GAS2: variants seen among roughly 807,000 people sequenced by gnomAD.
GAS2 encodes the protein growth arrest-specific protein 2.
GAS2 carries 20 observed loss-of-function variants against 37.5 expected under a neutral mutation model. That is an observed-to-expected ratio of 0.53 (90% CI 0.37 to 0.77). The LOEUF is 0.77. GAS2 is among the 30% of genes least tolerant of loss of function. GAS2 has a pLI of 0.00. For missense variants in GAS2, 336 were observed against 373.4 expected (o/e 0.90, Z 0.82); for synonymous variants, 144 against 132.2 (o/e 1.09, Z -0.61).
At chr11:22,771,255 T>G (rs1854967733) in intron 7 of GAS2, among the ~76,000 whole-genome samples, 1 of 152,188 alleles carries the variant, frequency 6.6e-6, no homozygotes. Context: ...TCCAGGAATG[T>G]TGAGCTTATT....
rs555109042 is a variant in GAS2, at chr11:22,687,880, A to G, written c.267+2091A>G. Among the ~76,000 whole-genome samples, 58 of 152,328 alleles carry G rather than the reference A, an allele frequency of 3.8e-4. No individual in the cohort carries two copies. In the South Asian group the frequency reaches 0.012, roughly 31 times the overall value. The stretch of plus-strand genomic sequence containing the variant: ...ACATTACGAAGTTCCTGAAACTTGT[A>G]TTGCTTATTGTTGAGGATGGAGAGC... On this transcript the variant is annotated intron_variant, in intron 3 of 7. Coordinates refer to ENST00000454584, the MANE Select transcript of GAS2 (RefSeq NM_001143830.3).
rs1590609328 is a variant in GAS2, at chr11:22,675,045, A to G, written c.145+31A>G. 5 of 1,605,912 alleles carry G rather than the reference A, an allele frequency of 3.1e-6. No individual in the cohort carries two copies. In the East Asian group the frequency reaches 1.1e-4, roughly 36 times the overall value. ...GTTATAAGATCTCATTTTGTGAGCA[A>G]AGACAACAGTTTTTGTTTTATTTTT... On this transcript the variant is annotated intron_variant, in intron 2 of 7. Transcript: ENST00000454584.
At chr11:22,639,818 C>T (rs1858887477) in intron 1 of GAS2, among the ~76,000 whole-genome samples, 1 of 152,128 alleles carries the variant, frequency 6.6e-6, no homozygotes. Flanking sequence ...GGGTCCTGAG[C>T]ATTCTACTTA....
chr11:22,646,319 T>C (rs10833794), intron 1 of GAS2, among the ~76,000 whole-genome samples: 21,698 of 152,158 alleles, frequency 0.14, 2,047 homozygotes, highest in East Asian at 0.22. Context: ...AATTTAATTT[T>C]AGCAAAATGA....
At position 22,751,222 on chromosome 11, in the gene GAS2, G is replaced by C. The variant is rs183219592; in HGVS notation, c.615+1961G>C. 2.0e-5 allele frequency among the ~76,000 whole-genome samples: 3 copies of C among 152,022 alleles called. No homozygotes were observed. The East Asian group carries it at 5.8e-4, about 29-fold the overall frequency. The stretch of plus-strand genomic sequence containing the variant: ...TCTGCTGCATTAGTCCCTGAATTTT[G>C]ATGTAGCCATTGTTGCTTTCTCACT... On this transcript the variant is annotated intron_variant, in intron 6 of 7. Transcript: ENST00000454584.
intron 7 of GAS2, among the ~76,000 whole-genome samples, chr11:22,766,991 C>G (rs1392658509): frequency 3.3e-5 from 5 of 152,134 alleles, no homozygotes; most frequent in Non-Finnish European, 7.4e-5. Flanking sequence ...GTTGGCATAG[C>G]AACTAATGCT....
intron 5 of GAS2, among the ~76,000 whole-genome samples, chr11:22,738,733 T>C (rs1468004736): frequency 2.0e-5 from 3 of 152,318 alleles, no homozygotes; most frequent in East Asian, 1.9e-4. Context: ...TGCCAATTAA[T>C]AGACCTTTCT....
intron 3 of GAS2, among the ~76,000 whole-genome samples, chr11:22,699,225 T>G (rs373823186): frequency 8.5e-5 from 13 of 152,274 alleles, no homozygotes; most frequent in African/African-American, 2.2e-4. Flanking sequence ...TTTATTGAGA[T>G]AAATGTACAG....
At chr11:22,635,713 C>A (rs933274538) in intron 1 of GAS2, among the ~76,000 whole-genome samples, 1 of 152,214 alleles carries the variant, frequency 6.6e-6, no homozygotes, top group Non-Finnish European at 1.5e-5. Context: ...CTTCTTTCAA[C>A]CTGTGACTGC....
At chr11:22,742,816 T>A (rs772314841) in intron 5 of GAS2, among the ~76,000 whole-genome samples, 11 of 152,150 alleles carry the variant, frequency 7.2e-5, no homozygotes, top group Non-Finnish European at 1.2e-4. Context: ...TAAAAAAATT[T>A]AAAAATTATG....
chr11:22,768,474 C>A (rs1854809937), intron 7 of GAS2, among the ~76,000 whole-genome samples: 1 of 152,222 alleles, frequency 6.6e-6, no homozygotes, highest in South Asian at 2.1e-4. Context: ...ACTACACTCA[C>A]AGCTTGCCCT....
At chr11:22,637,228 ATATAATATTAATTATATTAATAG>A (rs1858839392) in intron 1 of GAS2, among the ~76,000 whole-genome samples, 1 of 85,164 alleles carries the variant, frequency 1.2e-5, no homozygotes, top group Non-Finnish European at 2.2e-5. Context: ...TAGTATACTA[ATATAATATTAATTATATTAATAG>A]TATACTAATA....
intron 1 of GAS2, among the ~76,000 whole-genome samples, chr11:22,648,888 C>A (rs1297088649): frequency 6.6e-6 from 1 of 151,976 alleles, no homozygotes; most frequent in Non-Finnish European, 1.5e-5. Context: ...TTCATCTTTT[C>A]CTAATTGAAT....
intron 7 of GAS2, among the ~76,000 whole-genome samples, chr11:22,791,189 A>G: frequency 6.6e-6 from 1 of 152,236 alleles, no homozygotes; most frequent in East Asian, 1.9e-4. Context: ...ATACTGAGTG[A>G]CTGGATAATG....
chr11:22,726,224 A>G (rs1852205707), intron 3 of GAS2, 68 bp from the exon 4 acceptor site: 1 of 1,493,744 alleles, frequency 6.7e-7, no homozygotes, highest in Non-Finnish European at 9.0e-7. Flanking sequence ...TGTTGAAAAC[A>G]TGTTTTTAAA....
intron 1 of GAS2, among the ~76,000 whole-genome samples, chr11:22,636,528 G>A (rs1858823997): frequency 1.3e-5 from 2 of 152,090 alleles, no homozygotes; most frequent in South Asian, 4.1e-4. Flanking sequence ...TGATCATTTT[G>A]AGCCAATCAT....
At chr11:22,651,191 T>A (rs1485145093) in intron 1 of GAS2, among the ~76,000 whole-genome samples, 3 of 151,632 alleles carry the variant, frequency 2.0e-5, no homozygotes, top group African/African-American at 7.2e-5. Flanking sequence ...TTAGTTTGGC[T>A]GGATATGAAA....
chr11:22,724,015 G>A (rs1028917791), intron 3 of GAS2, among the ~76,000 whole-genome samples: 1 of 151,184 alleles, frequency 6.6e-6, no homozygotes, highest in African/African-American at 2.4e-5. Flanking sequence ...CTTCCTCAAG[G>A]GCAATTACTA....
At chr11:22,647,209 G>A (rs1848707301) in intron 1 of GAS2, among the ~76,000 whole-genome samples, 1 of 151,572 alleles carries the variant, frequency 6.6e-6, no homozygotes, top group African/African-American at 2.4e-5. Flanking sequence ...TACTGAGAAT[G>A]ATGATTTCCA....
Sources: gnomAD v4.1 joint callset for allele counts (sites outside exome capture counted in the v4.1 genomes callset) on GRCh38, gnomAD v4.1.1 for gene constraint, MANE v1.5 for transcripts, NCBI Gene and HGNC (gene_info 2026-07-23, HGNC 2026-07-21) for gene names.